ABCD2: variants seen among roughly 807,000 people sequenced by gnomAD.
ABCD2 encodes the protein ATP-binding cassette sub-family D member 2.
In ABCD2, 36 loss-of-function variants were observed where a neutral mutation model predicts 70.9. That is an observed-to-expected ratio of 0.51 (90% CI 0.39 to 0.67). The LOEUF is 0.67. ABCD2 is among the 30% of genes least tolerant of loss of function. The pLI, the probability that ABCD2 is intolerant of heterozygous loss-of-function variation, is 0.00. For synonymous variants in ABCD2, 304 were observed against 306.9 expected (o/e 0.99, Z 0.10); for missense variants, 729 against 890.2 (o/e 0.82, Z 2.30).
chr12:39,606,090 T>C (rs567656970), intron 3 of ABCD2, among the ~76,000 whole-genome samples: 28 of 152,224 alleles, frequency 1.8e-4, no homozygotes, highest in African/African-American at 5.8e-4. Flanking sequence ...AAGTGAAACC[T>C]GGGCAAATAT....
At chr12:39,558,889 G>A (rs1449684969) in intron 9 of ABCD2, among the ~76,000 whole-genome samples, 1 of 152,020 alleles carries the variant, frequency 6.6e-6, no homozygotes, top group South Asian at 2.1e-4. Context: ...TGGGAAAAAA[G>A]CCAGAAATGC....
chr12:39,608,493 C>A (rs1385586300), intron 2 of ABCD2, among the ~76,000 whole-genome samples: 1 of 151,992 alleles, frequency 6.6e-6, no homozygotes, highest in African/African-American at 2.4e-5. Context: ...TTGAGACCAG[C>A]CTGGCCAACA....
chr12:39,577,021 T>C (rs1457595245), intron 8 of ABCD2, among the ~76,000 whole-genome samples: 1 of 151,664 alleles, frequency 6.6e-6, no homozygotes, highest in East Asian at 1.9e-4. Context: ...AATAGCTACA[T>C]CAAAATAATA....
the ABCD2 span, among the ~76,000 whole-genome samples, chr12:39,533,062 G>A: frequency 6.6e-6 from 1 of 152,020 alleles, no homozygotes; most frequent in Non-Finnish European, 1.5e-5. Context: ...CTACTCAGGA[G>A]GCTGAGGCAG....
intron 9 of ABCD2, among the ~76,000 whole-genome samples, chr12:39,571,513 A>G (rs1941448245): frequency 6.6e-6 from 1 of 152,172 alleles, no homozygotes; most frequent in African/African-American, 2.4e-5. Flanking sequence ...GGTCATTCAT[A>G]TATTGGGCAA....
At chr12:39,586,596 T>C (rs946201780) in intron 6 of ABCD2, among the ~76,000 whole-genome samples, 2 of 152,188 alleles carry the variant, frequency 1.3e-5, no homozygotes, top group Non-Finnish European at 2.9e-5. Flanking sequence ...GGTCTTGATA[T>C]GTTTTCCCAG....
the ABCD2 span, among the ~76,000 whole-genome samples, chr12:39,542,490 A>G: frequency 6.6e-6 from 1 of 151,898 alleles, no homozygotes; most frequent in Non-Finnish European, 1.5e-5. Flanking sequence ...ATAAATTGGT[A>G]GAGTTAATGA....
chr12:39,574,330 C>A, intron 8 of ABCD2, among the ~76,000 whole-genome samples: 1 of 152,214 alleles, frequency 6.6e-6, no homozygotes, highest in South Asian at 2.1e-4. Context: ...TATAAGACTG[C>A]GAGAGTGAAT....
intron 4 of ABCD2, among the ~76,000 whole-genome samples, chr12:39,604,465 G>A (rs541684053): frequency 1.7e-4 from 26 of 152,080 alleles, no homozygotes; most frequent in South Asian, 1.7e-3. Flanking sequence ...ACATTAGCTC[G>A]AATTCTATTT....
chr12:39,539,545 T>A, the ABCD2 span: 2 of 160,240 alleles, frequency 1.2e-5, no homozygotes, highest in Admixed American at 1.2e-4. Flanking sequence ...GTGCTAGTCA[T>A]CAAAATCTGG....
At chr12:39,591,404 A>G (rs12582802) in intron 6 of ABCD2, among the ~76,000 whole-genome samples, 10,895 of 152,180 alleles carry the variant, frequency 0.072, 744 homozygotes, top group East Asian at 0.31. Context: ...GATGAGGTTT[A>G]TTTCCAAGTA....
intron 2 of ABCD2, among the ~76,000 whole-genome samples, chr12:39,616,017 C>T (rs1236172781): frequency 6.6e-6 from 1 of 152,058 alleles, no homozygotes; most frequent in Non-Finnish European, 1.5e-5. Context: ...TTCTGGTTCT[C>T]ATTTTACAAA....
intron 9 of ABCD2, among the ~76,000 whole-genome samples, chr12:39,569,012 C>G (rs756856549): frequency 6.6e-6 from 1 of 152,122 alleles, no homozygotes; most frequent in African/African-American, 2.4e-5. Flanking sequence ...GAGTACCCAG[C>G]TGTGTGTGGT....
intron 2 of ABCD2, among the ~76,000 whole-genome samples, chr12:39,614,739 C>T (rs1199169139): frequency 6.6e-6 from 1 of 152,000 alleles, no homozygotes; most frequent in Non-Finnish European, 1.5e-5. Context: ...AGTAAAGTCA[C>T]TCGGTATTTT....
At chr12:39,598,572 G>A (rs532947268) in intron 6 of ABCD2, among the ~76,000 whole-genome samples, 1 of 151,972 alleles carries the variant, frequency 6.6e-6, no homozygotes, top group African/African-American at 2.4e-5. Context: ...GGCTAATTTT[G>A]TATTCTTAGT....
At chr12:39,545,526 A>G (rs1941017700), downstream of ABCD2, among the ~76,000 whole-genome samples, 1 of 152,130 alleles carries the variant, frequency 6.6e-6, no homozygotes, top group Non-Finnish European at 1.5e-5. Flanking sequence ...GGACCCCACC[A>G]AGCAGTCTTT....
At chr12:39,535,195 C>T in the ABCD2 span, among the ~76,000 whole-genome samples, 1 of 152,114 alleles carries the variant, frequency 6.6e-6, no homozygotes, top group African/African-American at 2.4e-5. Flanking sequence ...TCTCCCTGAC[C>T]ACATTTGGAA....
At chr12:39,584,016 T>C (rs1941632409) in intron 7 of ABCD2, among the ~76,000 whole-genome samples, 1 of 152,176 alleles carries the variant, frequency 6.6e-6, no homozygotes, top group African/African-American at 2.4e-5. Context: ...TGGTAGATGA[T>C]TTTATATTCC....
At chr12:39,563,898 A>T (rs1443544325) in intron 9 of ABCD2, among the ~76,000 whole-genome samples, 2 of 151,990 alleles carry the variant, frequency 1.3e-5, no homozygotes, top group African/African-American at 4.8e-5. Context: ...TGTCCTTGCG[A>T]TAGTTTGCTG....
Sources: allele counts gnomAD v4.1 joint callset (sites outside exome capture counted in the v4.1 genomes callset), GRCh38; gene constraint gnomAD v4.1.1; transcripts MANE v1.5; gene names NCBI Gene and HGNC (gene_info 2026-07-23, HGNC 2026-07-21).